The following HERC1 variants were observed in gnomAD, a reference collection of about 807,000 sequenced individuals.
The protein encoded by HERC1 is probable E3 ubiquitin-protein ligase HERC1.
In HERC1, 160 loss-of-function variants were observed where a neutral mutation model predicts 554.3. The observed-to-expected ratio is 0.29, with a 90% confidence interval of 0.25 to 0.33. HERC1 has a LOEUF of 0.33. Among genes scored for constraint, HERC1 ranks in the 10% least tolerant of loss-of-function variants. HERC1 has a pLI of 1.00. For missense variants in HERC1, 4,919 were observed against 5,918.5 expected (o/e 0.83, Z 5.54); for synonymous variants, 2,175 against 2,131.7 (o/e 1.02, Z -0.56).
intron 69 of HERC1, 53 bp from the exon 70 acceptor site, chr15:63,628,868 A>G: frequency 1.3e-6 from 2 of 1,565,440 alleles, no homozygotes; most frequent in African/African-American, 1.4e-5. Flanking sequence ...GGAAGAGAGG[A>G]AGTCAATATG....
chr15:63,647,943 G>T, intron 55 of HERC1, 126 bp downstream of exon 55: 1 of 729,054 alleles, frequency 1.4e-6, no homozygotes, highest in Non-Finnish European at 2.3e-6. Flanking sequence ...TTACTTGATG[G>T]GTACAATGTA....
At chr15:63,666,874 T>C (rs2070668939) in intron 40 of HERC1, among the ~76,000 whole-genome samples, 1 of 152,216 alleles carries the variant, frequency 6.6e-6, no homozygotes, top group Non-Finnish European at 1.5e-5. Context: ...TCCAACAAGG[T>C]GATGCTCTGC....
intron 19 of HERC1, among the ~76,000 whole-genome samples, chr15:63,720,944 T>C (rs1567050874): frequency 6.6e-6 from 1 of 152,178 alleles, no homozygotes; most frequent in Non-Finnish European, 1.5e-5. Context: ...ACAAAGAATG[T>C]TTCCACTATT....
At chr15:63,763,696 A>G (rs2075683467) in intron 3 of HERC1, among the ~76,000 whole-genome samples, 1 of 151,976 alleles carries the variant, frequency 6.6e-6, no homozygotes, top group African/African-American at 2.4e-5. Flanking sequence ...TTTGGGGAGG[A>G]GAAAAGAGGT....
chr15:63,667,943 G>A (rs945902851), intron 40 of HERC1, among the ~76,000 whole-genome samples: 1 of 152,106 alleles, frequency 6.6e-6, no homozygotes, highest in African/African-American at 2.4e-5. Flanking sequence ...TCCACTTAAT[G>A]AATAGTAAAT....
chr15:63,784,406 T>C (rs62020785), intron 1 of HERC1, among the ~76,000 whole-genome samples: 39,625 of 152,102 alleles, frequency 0.26, 5,683 homozygotes, highest in Middle Eastern at 0.38. Flanking sequence ...TTGTGTATAC[T>C]GTAATAGTTC....
intron 36 of HERC1, 25 bp from the exon 37 acceptor site, chr15:63,678,390 A>G: frequency 1.9e-6 from 3 of 1,547,070 alleles, no homozygotes. Context: ...AGAGGGTGGA[A>G]AACACATGCT....
chr15:63,749,503 C>T lies in HERC1; in HGVS notation c.2083G>A (p.Gly695Arg). ...GTGGAATTTCCCTGACCACATTGCCCCATTGAGTTATTGCCCCAGGCATAA... is the reference window on the plus strand; with the variant it reads ...GTGGAATTTCCCTGACCACATTGCCTCATTGAGTTATTGCCCCAGGCATAA... ...EVYAWGNNSM[G>R]QCGQGNSTGP... Residue 695 changes from glycine (G) to arginine (R), a missense_variant, in exon 10 of 78, where the codon GGG (glycine) becomes AGG (arginine). Gly to Arg is a moderately radical substitution (Grantham distance 125, BLOSUM62 -2). Around this residue, in one of 11 missense-constraint regions of HERC1, gnomAD observed 744 missense variants for 1,090.0 expected, o/e 0.68. Coordinates refer to ENST00000443617, the MANE Select transcript of HERC1 (RefSeq NM_003922.4). The surrounding 1 kb of genome is among the most constrained non-coding windows in gnomAD (Gnocchi z 4.1). 1 of 1,612,960 alleles carries T rather than the reference C, an allele frequency of 6.2e-7. No homozygotes were observed. The highest frequency in any genetic ancestry group is 8.5e-7 in the Non-Finnish European group (1 of 1,179,462).
In HERC1 at chr15:63,674,677, C is replaced by A. The variant is rs1375165079; in HGVS notation, c.7511G>T (p.Arg2504Ile). 1.2e-6 allele frequency: 2 copies of A among 1,613,696 alleles called. No homozygotes were observed. The highest frequency in any genetic ancestry group is 1.7e-6 in the Non-Finnish European group (2 of 1,179,794). The change falls in exon 38 of 78, where the codon AGA becomes ATA. Residue 2504 changes from arginine (R) to isoleucine (I), a missense_variant. This residue lies in a region of HERC1 where 1,963 missense variants were observed against 2,228.6 expected (regional missense o/e 0.88). Transcript: ENST00000443617. Reference sequence around the variant, plus strand: ...GTAAAGATAGGACAGCTGGACTGCTCTGATTTCTGACTGGGCTACATCATG... The same window carrying A: ...GTAAAGATAGGACAGCTGGACTGCTATGATTTCTGACTGGGCTACATCATG... ...KNHDVAQSEI[R>I]AVQLSYLYLG...
chr15:63,649,082 C>G (rs77715851), intron 54 of HERC1, among the ~76,000 whole-genome samples: 30,718 of 152,140 alleles, frequency 0.2, 3,351 homozygotes, highest in African/African-American at 0.24. Flanking sequence ...CGGCCAGGCA[C>G]GGTGGCTCAC....
At position 63,632,772 on chromosome 15, in the gene HERC1, C is replaced by T. The variant is rs1283390643; in HGVS notation, c.12733G>A (p.Ala4245Thr). ...GCAACAGAAAACTGAGTTCCACAAG[C>T]AACCTTTTTTATTCCAATTCCACAA... ...VLCGIGIKKV[A>T]CGTQFSVALT... is the part of the protein sequence containing the mutation. The change falls in exon 68 of 78, where the codon GCT (alanine) becomes ACT (threonine). Residue 4245 changes from alanine (A) to threonine (T), a missense_variant. Coordinates refer to ENST00000443617, the MANE Select transcript of HERC1 (RefSeq NM_003922.4). The T allele has an allele frequency of 6.4e-7, 1 of 1,570,316 alleles. No homozygotes were observed.
chr15:63,802,760 T>G (rs1284555194), intron 1 of HERC1, among the ~76,000 whole-genome samples: 1 of 152,224 alleles, frequency 6.6e-6, no homozygotes, highest in Non-Finnish European at 1.5e-5. Flanking sequence ...ATAAACGAGT[T>G]ACTGCAAGTA....
chr15:63,718,707 C>T lies in HERC1; in HGVS notation c.3858-13G>A. The T allele has an allele frequency of 4.4e-6, 7 of 1,601,084 alleles. No individual in the cohort carries two copies. Among genetic ancestry groups the T allele is most frequent in the Non-Finnish European group, 6.0e-6 (7 of 1,170,400 alleles). ...ACCAGGTTGATATCTAAATGAAGAA[C>T]CAAAATAGAAAAGTTACCTAATTTC... On this transcript the variant is annotated splice_polypyrimidine_tract_variant and intron_variant, in intron 20 of 77. Coordinates refer to ENST00000443617, the MANE Select transcript of HERC1 (RefSeq NM_003922.4). The surrounding 1 kb of genome is among the most constrained non-coding windows in gnomAD (Gnocchi z 4.2).
chr15:63,633,771 T>A (rs2068665864), intron 67 of HERC1, 77 bp downstream of exon 67: 1 of 1,441,082 alleles, frequency 6.9e-7, no homozygotes. Flanking sequence ...GTAAATTATT[T>A]CCAACTAATA....
rs778896031 is a variant in HERC1 at position 63,694,917 on chromosome 15, CT to C, written c.5122-24del. 5 of 1,598,544 alleles carry C rather than the reference CT, an allele frequency of 3.1e-6. No individual in the cohort carries two copies. In the East Asian group the frequency reaches 1.1e-4, roughly 36 times the overall value. ...ATCCTGAATTACACATAAAGAATTA[CT>C]TTTTCTATTAGCAACAATAATACCT... On this transcript the variant is annotated intron_variant, in intron 27 of 77. Coordinates refer to ENST00000443617, the MANE Select transcript of HERC1 (RefSeq NM_003922.4). This position sits in a 1 kb window ranked among gnomAD's most constrained non-coding sequence, Gnocchi z 4.3.
chr15:63,737,810 A>C (rs2074613940), intron 12 of HERC1, among the ~76,000 whole-genome samples: 1 of 152,062 alleles, frequency 6.6e-6, no homozygotes. Context: ...TTTCCATACA[A>C]AGGATCAAAA....
rs1232740822 is a variant in HERC1, at chr15:63,640,460, A to G, written c.11608-15T>C. The stretch of plus-strand genomic sequence containing the variant: ...ACCACATGAGGCTAAAACAAAATAC[A>G]AGGATATAATATGTCAAAGAGTTTG... On this transcript the variant is annotated splice_polypyrimidine_tract_variant and intron_variant, in intron 60 of 77. Coordinates refer to ENST00000443617, the MANE Select transcript of HERC1 (RefSeq NM_003922.4). The G allele has an allele frequency of 6.2e-7, 1 of 1,602,010 alleles. No homozygotes were observed. The highest frequency in any genetic ancestry group is 8.5e-7 in the Non-Finnish European group (1 of 1,170,010).
At chr15:63,816,976 G>A (rs1461381111) in intron 1 of HERC1, among the ~76,000 whole-genome samples, 2 of 151,508 alleles carry the variant, frequency 1.3e-5, no homozygotes, top group Non-Finnish European at 2.9e-5. Flanking sequence ...TTACTGAGAG[G>A]GAAAAAAAAA....
At chr15:63,628,058 T>C (rs1163187682) in intron 70 of HERC1, among the ~76,000 whole-genome samples, 3 of 152,164 alleles carry the variant, frequency 2.0e-5, no homozygotes, top group African/African-American at 4.8e-5. Context: ...TTTCTAACAG[T>C]GGGCCTTAGA....
Sources: gnomAD v4.1 joint callset for allele counts (sites outside exome capture counted in the v4.1 genomes callset) on GRCh38, gnomAD v4.1.1 for gene constraint, gnomAD v4.1.1 regional missense constraint, Gnocchi (gnomAD v3.1) non-coding constraint, MANE v1.5 for transcripts, NCBI Gene and HGNC (gene_info 2026-07-23, HGNC 2026-07-21) for gene names.